TPR: variants seen among roughly 807,000 people sequenced by gnomAD.
TPR encodes the protein nucleoprotein TPR.
TPR carries 51 observed loss-of-function variants against 316.1 expected under a neutral mutation model. The observed-to-expected ratio is 0.16, with a 90% CI of 0.13 to 0.20. The LOEUF is 0.20. Among genes scored for constraint, TPR ranks in the 10% least tolerant of loss-of-function variants. TPR has a pLI of 1.00. For synonymous variants in TPR, 981 were observed against 914.7 expected, an observed-to-expected ratio of 1.07 and a Z score of -1.31; for missense variants, 2,272 against 2,754.8, an observed-to-expected ratio of 0.82 and a Z score of 3.92.
chr1:186,326,090 T>C lies in TPR; in HGVS notation c.6021+14A>G. 6.2e-7 allele frequency: 1 copy of C among 1,613,656 alleles called. No homozygotes were observed. Among genetic ancestry groups the C allele is most frequent in the Non-Finnish European group, 8.5e-7 (1 of 1,179,734 alleles). On this transcript the variant is annotated intron_variant, in intron 41 of 50. Coordinates refer to ENST00000367478, the MANE Select transcript of TPR (RefSeq NM_003292.3). ...TAGAAAGAACTATGAATGGTTAAAA[T>C]TCTAGCCAGTTACCTCAGCATCATC... is the stretch of plus-strand genomic sequence containing the variant.
chr1:186,355,327 C>A (rs1055210103), intron 17 of TPR, 83 bp downstream of exon 17: 34 of 1,458,046 alleles, frequency 2.3e-5, no homozygotes, highest in African/African-American at 1.9e-4. Context: ...AACACTATTG[C>A]AAATTAGCTC....
chr1:186,342,813 C>CTACCACA (rs1387568264), intron 27 of TPR: 1 of 152,206 alleles, frequency 6.6e-6, no homozygotes, highest in Non-Finnish European at 1.5e-5. Context: ...ATCCATTTCA[C>CTACCACA]TACCACAGCT....
At chr1:186,358,739 G>A (rs1659098136) in intron 12 of TPR, 89 bp from the exon 13 acceptor site, 11 of 994,936 alleles carry the variant, frequency 1.1e-5, no homozygotes, top group Non-Finnish European at 1.7e-5. Context: ...AACACCACCA[G>A]TAATCAACTT....
chr1:186,320,350 G>C lies in TPR; in HGVS notation c.6530C>G (p.Ser2177Cys), dbSNP rs1336384944. 6.2e-7 allele frequency: 1 copy of C among 1,612,978 alleles called. No individual in the cohort carries two copies. The highest frequency in any genetic ancestry group is 1.3e-5 in the African/African-American group (1 of 74,876). ...GPPEDMPQTS[S>C]SHSDLGQLAS... ...AAGCTGGCCAAGATCAGAGTGACTA[G>C]AACTTGTTTGTGGCATATCTTCAGG... is the stretch of plus-strand genomic sequence containing the variant. The change falls in exon 46 of 51, where the codon TCT (serine) becomes TGT (cysteine). Residue 2177 changes from serine (S) to cysteine (C), a missense_variant. Ser to Cys is a moderately radical substitution (Grantham distance 112, BLOSUM62 -1). This residue lies in a region of TPR where 88 missense variants were observed against 176.2 expected (regional missense o/e 0.50). Transcript: ENST00000367478.
intron 4 of TPR, 150 bp downstream of exon 4, chr1:186,367,736 A>G (rs1334998594): frequency 2.0e-6 from 1 of 509,428 alleles, no homozygotes; most frequent in Non-Finnish European, 3.5e-6. Context: ...TTAAAGATAA[A>G]TGAGTAGGAG....
chr1:186,326,122 A>T lies in TPR; in HGVS notation c.6003T>A (p.Tyr2001Ter). 1 of 1,613,840 alleles carries T rather than the reference A, an allele frequency of 6.2e-7. No homozygotes were observed. The highest frequency in any genetic ancestry group is 8.5e-7 in the Non-Finnish European group (1 of 1,179,792). ...CAGTTACCTCAGCATCATCAGCTTC[A>T]TAACCATCATTGCCATCGGCACTAC... ...GTGSADGNDGYEADDAEGGDG... is the reference protein window; with the variant it reads ...GTGSADGNDG Residue 2001 changes from tyrosine (Y) to a stop codon, truncating the protein, a stop_gained, in exon 41 of 51, where the codon TAT becomes TAA. Coordinates refer to ENST00000367478, the MANE Select transcript of TPR (RefSeq NM_003292.3). LOFTEE classifies it high-confidence loss of function.
At chr1:186,334,597 A>G in intron 35 of TPR, 64 bp from the exon 36 acceptor site, 1 of 1,524,788 alleles carries the variant, frequency 6.6e-7, no homozygotes, top group Non-Finnish European at 9.0e-7. Context: ...TTTTAAAAAC[A>G]CAGTGAGTAT....
At chr1:186,367,733 T>C (rs1659391514) in intron 4 of TPR, among the ~76,000 whole-genome samples, 153 bp downstream of exon 4, 2 of 152,162 alleles carry the variant, frequency 1.3e-5, no homozygotes, top group Non-Finnish European at 2.9e-5. Context: ...GATTTAAAGA[T>C]AAATGAGTAG....
intron 33 of TPR, among the ~76,000 whole-genome samples, chr1:186,335,833 ATGCAATTCATTACTATGAAT>A (rs1263811269): frequency 2.0e-5 from 3 of 152,152 alleles, no homozygotes; most frequent in African/African-American, 7.2e-5. Context: ...TCAATGTATC[ATGCAATTCATTACTATGAAT>A]TGCAAAATTT....
intron 29 of TPR, 97 bp from the exon 30 acceptor site, chr1:186,339,869 T>A (rs972539477): frequency 2.0e-6 from 2 of 999,212 alleles, no homozygotes; most frequent in Non-Finnish European, 2.8e-6. Flanking sequence ...TTATATTAGG[T>A]GTCCTGCATG....
At position 186,351,956 on chromosome 1, in the gene TPR, T is replaced by C. The variant is rs1658874471; in HGVS notation, c.2469+20A>G. 2 of 1,575,518 alleles carry C rather than the reference T, an allele frequency of 1.3e-6. No homozygotes were observed. The highest frequency in any genetic ancestry group is 1.7e-6 in the Non-Finnish European group (2 of 1,169,332). On this transcript the variant is annotated intron_variant, in intron 19 of 50. Transcript: ENST00000367478. ...TTAACTTTTATACATTTTTTCTACA[T>C]AGGCTTTTTATTTGGTTACCTGAAT...
intron 25 of TPR, 60 bp downstream of exon 25, chr1:186,344,315 T>C: frequency 6.4e-7 from 1 of 1,567,772 alleles, no homozygotes; most frequent in Admixed American, 1.8e-5. Context: ...CATTATAAAA[T>C]AAAGAAAAAA....
chr1:186,333,457 T>C (rs1185402371), intron 36 of TPR, 63 bp from the exon 37 acceptor site: 1 of 1,569,598 alleles, frequency 6.4e-7, no homozygotes, highest in East Asian at 2.3e-5. Flanking sequence ...AAATTATCCT[T>C]CCTATTCTGT....
intron 19 of TPR, 61 bp downstream of exon 19, chr1:186,351,915 T>C (rs1473137705): frequency 5.9e-6 from 9 of 1,532,392 alleles, no homozygotes; most frequent in African/African-American, 1.4e-5. Context: ...ATTGAGAGGA[T>C]AAAAAAAATC....
chr1:186,337,925 T>C (rs1658388631), intron 31 of TPR, 108 bp downstream of exon 31: 1 of 885,772 alleles, frequency 1.1e-6, no homozygotes, highest in Admixed American at 3.2e-5. Flanking sequence ...CATATATGCT[T>C]ACACGATTTC....
At chr1:186,353,559 A>T in intron 18 of TPR, 129 bp downstream of exon 18, 1 of 969,866 alleles carries the variant, frequency 1.0e-6, no homozygotes, top group Non-Finnish European at 1.5e-6. Context: ...ACTATGTATT[A>T]ATTACTTGGT....
chr1:186,373,541 A>G, intron 1 of TPR, 78 bp from the exon 2 acceptor site: 1 of 813,868 alleles, frequency 1.2e-6, no homozygotes, highest in Non-Finnish European at 1.9e-6. Flanking sequence ...TTTATTTCTA[A>G]TAACCTTGAT....
intron 31 of TPR, among the ~76,000 whole-genome samples, chr1:186,337,417 A>G (rs1436749107): frequency 1.3e-5 from 2 of 152,170 alleles, no homozygotes; most frequent in African/African-American, 4.8e-5. Flanking sequence ...TTTTCATGAT[A>G]ATGAATCAAG....
chr1:186,362,750 A>T (rs1297091629), intron 6 of TPR, 87 bp downstream of exon 6: 12 of 1,189,106 alleles, frequency 1.0e-5, no homozygotes, highest in Non-Finnish European at 1.3e-5. Flanking sequence ...CTAATCAGGT[A>T]CACACTACTG....
Sources: allele counts gnomAD v4.1 joint callset (sites outside exome capture counted in the v4.1 genomes callset), GRCh38; gene constraint gnomAD v4.1.1; regional missense constraint gnomAD v4.1.1; transcripts MANE v1.5; gene names NCBI Gene and HGNC (gene_info 2026-07-23, HGNC 2026-07-21).